The following WNK3 variants were observed in gnomAD, a reference collection of about 807,000 sequenced individuals.
The protein encoded by WNK3 is serine/threonine-protein kinase WNK3.
A neutral mutation model predicts 116.7 loss-of-function variants in WNK3; 18 were observed. The observed-to-expected ratio is 0.15, with a 90% confidence interval of 0.11 to 0.23. The LOEUF is 0.23. Among genes scored for constraint, WNK3 ranks in the 10% least tolerant of loss-of-function variants. The pLI, the probability that WNK3 is intolerant of heterozygous loss-of-function variation, is 1.00. For synonymous variants in WNK3, 404 were observed against 469.4 expected (o/e 0.86, Z 1.80); for missense variants, 993 against 1,323.8 (o/e 0.75, Z 3.88).
At chrX:54,258,875 A>G (rs1198277805) in intron 11 of WNK3, among the ~76,000 whole-genome samples, 2 of 110,352 alleles carry the variant, frequency 1.8e-5, no homozygotes, top group African/African-American at 6.6e-5. Flanking sequence ...AGAACAATAA[A>G]GACTATCCAA....
chrX:54,238,090 GGGTGT>G (rs1184223935), intron 19 of WNK3, among the ~76,000 whole-genome samples: 1 of 110,149 alleles, frequency 9.1e-6, no homozygotes, highest in Admixed American at 9.8e-5. Context: ...AAAATTAGCC[GGGTGT>G]GGTGGCGCGC....
chrX:54,355,486 G>A (rs920984805), intron 1 of WNK3, among the ~76,000 whole-genome samples: 4 of 110,853 alleles, frequency 3.6e-5, no homozygotes, highest in African/African-American at 9.8e-5. Context: ...GCTTGGTGGA[G>A]GATGCTGGGA....
chrX:54,290,917 C>CA (rs1486587388), intron 10 of WNK3, among the ~76,000 whole-genome samples: 1 of 110,854 alleles, frequency 9.0e-6, no homozygotes, highest in Non-Finnish European at 1.9e-5. Flanking sequence ...GGGCAGGCTA[C>CA]AAAAAATCAT....
chrX:54,333,571 C>T, exon 2 of WNK3: 1 of 1,208,908 alleles, frequency 8.3e-7, no homozygotes, highest in Non-Finnish European at 1.1e-6. Flanking sequence ...CTAGCTTCTA[C>T]TGTCAAAGTT....
intron 22 of WNK3, among the ~76,000 whole-genome samples, chrX:54,214,788 G>A (rs2067663091): frequency 2.7e-5 from 3 of 111,216 alleles, no homozygotes; most frequent in Admixed American, 9.6e-5. Flanking sequence ...TGAGGTGGGC[G>A]GATCACGAGG....
At chrX:54,334,897 A>G (rs2069214711) in intron 1 of WNK3, among the ~76,000 whole-genome samples, 1 of 111,971 alleles carries the variant, frequency 8.9e-6, no homozygotes, top group Non-Finnish European at 1.9e-5. Flanking sequence ...GCACTTATGG[A>G]AAAAACTAAA....
intron 22 of WNK3, among the ~76,000 whole-genome samples, chrX:54,202,691 GAA>G (rs72453299): frequency 4.4e-5 from 4 of 89,936 alleles, no homozygotes; most frequent in Middle Eastern, 5.9e-3. Flanking sequence ...TCCGTCTCAA[GAA>G]AAAAAAAAAA....
At chrX:54,253,437 A>AT (rs1345260304) in intron 13 of WNK3, among the ~76,000 whole-genome samples, 1 of 110,243 alleles carries the variant, frequency 9.1e-6, no homozygotes, top group Non-Finnish European at 1.9e-5. Context: ...GCATTTTTTA[A>AT]TTTTTTGTGA....
At chrX:54,213,799 C>T (rs904990941) in intron 22 of WNK3, among the ~76,000 whole-genome samples, 3 of 109,202 alleles carry the variant, frequency 2.7e-5, no homozygotes, top group Non-Finnish European at 5.7e-5. Context: ...TGAAAGGTGA[C>T]GTCATTCCCC....
chrX:54,215,811 G>T (rs2067686789), intron 22 of WNK3, among the ~76,000 whole-genome samples: 2 of 111,868 alleles, frequency 1.8e-5, no homozygotes, highest in Non-Finnish European at 3.8e-5. Flanking sequence ...AACGGGCCAT[G>T]ATGACGATGG....
intron 1 of WNK3, among the ~76,000 whole-genome samples, chrX:54,352,574 G>A (rs2069531778): frequency 9.0e-6 from 1 of 111,395 alleles, no homozygotes; most frequent in Non-Finnish European, 1.9e-5. Flanking sequence ...CAGCTACTCA[G>A]GAGGCTGAGG....
At chrX:54,288,686 A>C (rs1260657731) in intron 10 of WNK3, among the ~76,000 whole-genome samples, 1 of 111,533 alleles carries the variant, frequency 9.0e-6, no homozygotes, top group African/African-American at 3.3e-5. Context: ...GCTGGTGTCC[A>C]AAACTGACAT....
intron 10 of WNK3, among the ~76,000 whole-genome samples, chrX:54,274,623 C>CA (rs2068420297): frequency 8.9e-6 from 1 of 111,748 alleles, no homozygotes; most frequent in Non-Finnish European, 1.9e-5. Context: ...CAAACCCTCT[C>CA]AACCAGAGCT....
At chrX:54,254,853 G>C (rs1332331996) in intron 12 of WNK3, among the ~76,000 whole-genome samples, 1 of 111,575 alleles carries the variant, frequency 9.0e-6, no homozygotes, top group Non-Finnish European at 1.9e-5. Context: ...TTATATATAG[G>C]TTTAAGCAGC....
At chrX:54,325,679 C>CAAAAAAAAAAA (rs57064020) in intron 2 of WNK3, among the ~76,000 whole-genome samples, 1 of 11,311 alleles carries the variant, frequency 8.8e-5, no homozygotes, top group African/African-American at 1.9e-4. Context: ...AACTCCCTCT[C>CAAAAAAAAAAA]AAAAAAAAAA....
chrX:54,332,864 CAA>C (rs1162673611), intron 2 of WNK3, among the ~76,000 whole-genome samples: 8 of 49,336 alleles, frequency 1.6e-4, no homozygotes, highest in Admixed American at 2.7e-4. Context: ...GATTCCGCCT[CAA>C]AAAAAAAAAA....
At chrX:54,279,822 C>T (rs782427800) in intron 10 of WNK3, among the ~76,000 whole-genome samples, 2 of 111,380 alleles carry the variant, frequency 1.8e-5, no homozygotes, top group South Asian at 3.7e-4. Context: ...TAAATATATG[C>T]ATTTATCGTA....
intron 22 of WNK3, among the ~76,000 whole-genome samples, chrX:54,226,385 G>C (rs1481904576): frequency 9.6e-6 from 1 of 104,178 alleles, no homozygotes; most frequent in Non-Finnish European, 1.9e-5. Context: ...CAGGAGAATC[G>C]CTTGAACCTG....
chrX:54,327,797 G>A (rs782258235), intron 2 of WNK3, among the ~76,000 whole-genome samples: 82 of 109,709 alleles, frequency 7.5e-4, no homozygotes, highest in African/African-American at 2.7e-3. Context: ...GCAAAACCCC[G>A]TCTCTACAAA....
Sources: allele counts gnomAD v4.1 joint callset (sites outside exome capture counted in the v4.1 genomes callset), GRCh38; gene constraint gnomAD v4.1.1; transcripts MANE v1.5; gene names NCBI Gene and HGNC (gene_info 2026-07-23, HGNC 2026-07-21).